Variants in NDST4 observed in about 807,000 individuals in gnomAD.
The protein encoded by NDST4 is N-deacetylase and N-sulfotransferase 4, also known as N-heparan sulfate sulfotransferase 4.
NDST4 carries 63 observed loss-of-function variants against 100.8 expected under a neutral mutation model. The ratio of observed to expected loss-of-function variants is 0.62; its 90% confidence interval spans 0.51 to 0.77. NDST4 has a LOEUF of 0.77. Ranked by LOEUF, NDST4 falls within the 30% of genes least tolerant of loss-of-function variation. The probability of loss-of-function intolerance (pLI) is 0.00; values close to 1 mark genes in which losing one functional copy is unlikely to be tolerated. For synonymous variants in NDST4, 377 were observed against 361.8 expected (o/e 1.04, Z -0.48); for missense variants, 943 against 1,018.4 (o/e 0.93, Z 1.01).
At chr4:115,020,523 A>G (rs1727786782) in intron 2 of NDST4, among the ~76,000 whole-genome samples, 1 of 152,164 alleles carries the variant, frequency 6.6e-6, no homozygotes, top group Non-Finnish European at 1.5e-5. Context: ...AGAACCCAAA[A>G]GCAAATGCAG....
At chr4:114,875,332 C>G (rs1294067481) in intron 6 of NDST4, among the ~76,000 whole-genome samples, 1 of 152,112 alleles carries the variant, frequency 6.6e-6, no homozygotes, top group East Asian at 1.9e-4. Context: ...AATATACAAG[C>G]AAGCTTATGG....
At chr4:115,014,760 C>T (rs1465502764) in intron 2 of NDST4, among the ~76,000 whole-genome samples, 1 of 152,006 alleles carries the variant, frequency 6.6e-6, no homozygotes, top group Non-Finnish European at 1.5e-5. Flanking sequence ...GGAGCAATGC[C>T]TTGTCATCCT....
intron 2 of NDST4, among the ~76,000 whole-genome samples, chr4:115,006,048 A>G (rs1727409295): frequency 6.7e-6 from 1 of 148,640 alleles, no homozygotes; most frequent in African/African-American, 2.5e-5. Flanking sequence ...AAAAAAAAAA[A>G]AGAAGAAGAA....
intron 2 of NDST4, among the ~76,000 whole-genome samples, chr4:115,025,514 G>A (rs565998089): frequency 6.6e-6 from 1 of 152,112 alleles, no homozygotes; most frequent in Non-Finnish European, 1.5e-5. Flanking sequence ...GAGAGTTCCT[G>A]ATAGAATTTA....
At chr4:115,085,632 C>A (rs954459846) in intron 1 of NDST4, among the ~76,000 whole-genome samples, 1 of 152,076 alleles carries the variant, frequency 6.6e-6, no homozygotes, top group Non-Finnish European at 1.5e-5. Context: ...GATTTTCCCC[C>A]TTTGCTCAGC....
chr4:114,902,761 G>A (rs553297886), intron 6 of NDST4, among the ~76,000 whole-genome samples: 1 of 151,698 alleles, frequency 6.6e-6, no homozygotes, highest in Admixed American at 6.6e-5. Context: ...TTTCTTTTCA[G>A]TCTCTTTTTT....
intron 11 of NDST4, among the ~76,000 whole-genome samples, chr4:114,838,148 T>C (rs1723342179): frequency 6.6e-6 from 1 of 152,122 alleles, no homozygotes; most frequent in South Asian, 2.1e-4. Flanking sequence ...AGAATGGTGA[T>C]CATTAGAAAG....
At chr4:115,002,402 T>G (rs1041447625) in intron 2 of NDST4, among the ~76,000 whole-genome samples, 1 of 152,206 alleles carries the variant, frequency 6.6e-6, no homozygotes, top group Non-Finnish European at 1.5e-5. Context: ...ATTAGCCCTT[T>G]GTCAGATGGG....
intron 2 of NDST4, among the ~76,000 whole-genome samples, chr4:115,075,582 T>C (rs1729161264): frequency 2.0e-5 from 3 of 151,928 alleles, no homozygotes; most frequent in Admixed American, 6.6e-5. Context: ...GTCAGGAGTT[T>C]AAGACCAGCC....
intron 2 of NDST4, among the ~76,000 whole-genome samples, chr4:115,022,496 T>TATATATGTGTTCC (rs1727879331): frequency 3.5e-5 from 4 of 115,270 alleles, no homozygotes; most frequent in African/African-American, 1.1e-4. Flanking sequence ...ATGTTCCATA[T>TATATATGTGTTCC]ATATATATGT....
chr4:114,906,541 C>A (rs1164448123), intron 6 of NDST4, among the ~76,000 whole-genome samples: 2 of 151,866 alleles, frequency 1.3e-5, no homozygotes, highest in Non-Finnish European at 2.9e-5. Flanking sequence ...ATTTCGCAGG[C>A]CTACCACCAA....
chr4:115,039,572 A>G (rs1245588544), intron 2 of NDST4, among the ~76,000 whole-genome samples: 1 of 152,198 alleles, frequency 6.6e-6, no homozygotes, highest in Non-Finnish European at 1.5e-5. Context: ...TGTTCATAAC[A>G]GCTATATCAA....
chr4:115,003,758 C>T (rs1727350347), intron 2 of NDST4, among the ~76,000 whole-genome samples: 1 of 151,794 alleles, frequency 6.6e-6, no homozygotes, highest in African/African-American at 2.4e-5. Flanking sequence ...CTCCCAGCTA[C>T]TCGGGAGGCT....
At chr4:115,047,364 A>C in intron 2 of NDST4, among the ~76,000 whole-genome samples, 1 of 152,148 alleles carries the variant, frequency 6.6e-6, no homozygotes. Flanking sequence ...GCCCAAAACC[A>C]GACAGACAGG....
chr4:114,910,344 T>C (rs1725038611), intron 6 of NDST4, among the ~76,000 whole-genome samples: 1 of 152,168 alleles, frequency 6.6e-6, no homozygotes, highest in African/African-American at 2.4e-5. Context: ...ACATCTCTAT[T>C]AAGGAGAAAA....
At chr4:115,003,211 C>T (rs575648177) in intron 2 of NDST4, among the ~76,000 whole-genome samples, 9 of 152,134 alleles carry the variant, frequency 5.9e-5, no homozygotes, top group South Asian at 2.1e-4. Flanking sequence ...CAAACCTGCA[C>T]GTTCTGCATA....
At chr4:115,053,165 C>T (rs1728621136) in intron 2 of NDST4, among the ~76,000 whole-genome samples, 1 of 152,082 alleles carries the variant, frequency 6.6e-6, no homozygotes, top group Admixed American at 6.6e-5. Flanking sequence ...ATGTTTCTCT[C>T]AGACCCAGAG....
At chr4:114,829,336 ATTTATCC>A (rs1258825944) in intron 13 of NDST4, among the ~76,000 whole-genome samples, 1 of 151,484 alleles carries the variant, frequency 6.6e-6, no homozygotes, top group Admixed American at 6.6e-5. Context: ...GATATAACTA[ATTTATCC>A]TGTAATAAAT....
intron 1 of NDST4, among the ~76,000 whole-genome samples, chr4:115,092,395 T>C (rs1729536887): frequency 6.6e-6 from 1 of 152,124 alleles, no homozygotes; most frequent in South Asian, 2.1e-4. Flanking sequence ...GGGAAACTCA[T>C]ATAATCACGA....
Sources: allele counts gnomAD v4.1 joint callset (sites outside exome capture counted in the v4.1 genomes callset), GRCh38; gene constraint gnomAD v4.1.1; transcripts MANE v1.5; gene names NCBI Gene and HGNC (gene_info 2026-07-23, HGNC 2026-07-21).